Variants in APOC4 observed in about 807,000 individuals in gnomAD.
APOC4 encodes the protein apolipoprotein C4, also known as apolipoprotein C-IV.
In APOC4, 10 loss-of-function variants were observed where a neutral mutation model predicts 8.4. The observed-to-expected ratio is 1.19, with a 90% confidence interval of 0.74 to 2.03. The LOEUF (loss-of-function observed/expected upper bound fraction) is 2.03, where lower values mean the gene tolerates loss of function less well. Ranked by LOEUF, APOC4 falls within the 30% of genes most tolerant of loss-of-function variation. The probability of loss-of-function intolerance (pLI) is 0.00; values close to 1 mark genes in which losing one functional copy is unlikely to be tolerated. For synonymous variants in APOC4, 59 were observed against 65.8 expected, an observed-to-expected ratio of 0.90 and a Z score of 0.50; for missense variants, 160 against 156.1, an observed-to-expected ratio of 1.02 and a Z score of -0.13.
intron 1 of APOC4, among the ~76,000 whole-genome samples, chr19:44,942,724 G>A (rs1892143088): frequency 6.6e-6 from 1 of 151,720 alleles, no homozygotes; most frequent in Admixed American, 6.6e-5. Flanking sequence ...AGTGTGTGCT[G>A]GTGTGTACGT....
chr19:44,944,603 C>T, intron 1 of APOC4, 146 bp from the exon 2 acceptor site: 1 of 875,836 alleles, frequency 1.1e-6, no homozygotes, highest in Non-Finnish European at 1.7e-6. Context: ...GGTCAGGGGA[C>T]ACATAAGGGT....
In APOC4 at chr19:44,943,974, G is replaced by A. The variant is rs539867186; in HGVS notation, c.77-775G>A. ...GCTTTGTCCAGATGCGTGGGTAGAA[G>A]GTCTGGCCCGGAAAGAGGAACTGAC... On this transcript the variant is annotated intron_variant, in intron 1 of 2. Coordinates refer to ENST00000592954, the MANE Select transcript of APOC4 (RefSeq NM_001646.3). Among the ~76,000 whole-genome samples the A allele has an allele frequency of 8.5e-5, 13 of 152,286 alleles. No homozygotes were observed. In the East Asian group the frequency reaches 2.5e-3, roughly 29 times the overall value.
At chr19:44,942,705 GA>G (rs1268978453) in intron 1 of APOC4, among the ~76,000 whole-genome samples, 1 of 151,824 alleles carries the variant, frequency 6.6e-6, no homozygotes, top group South Asian at 2.1e-4. Context: ...GGACATGTGT[GA>G]GGGGGTGAGT....
chr19:44,945,060 C>T (rs867200293), intron 2 of APOC4, 80 bp from the exon 3 acceptor site: 2 of 1,552,622 alleles, frequency 1.3e-6, no homozygotes, highest in Middle Eastern at 3.5e-4. Flanking sequence ...ACTCCTAGGT[C>T]ACAGAGAGGA....
chr19:44,945,039 T>C, intron 2 of APOC4, 101 bp from the exon 3 acceptor site: 1 of 1,534,548 alleles, frequency 6.5e-7, no homozygotes, highest in Non-Finnish European at 8.8e-7. Flanking sequence ...GGGTTAGAGC[T>C]GAGAGCAGGA....
intron 1 of APOC4, among the ~76,000 whole-genome samples, 191 bp from the exon 2 acceptor site, chr19:44,944,558 A>C (rs925278243): frequency 4.6e-5 from 7 of 151,908 alleles, no homozygotes; most frequent in Non-Finnish European, 1.0e-4. Context: ...AAAGAAAAAA[A>C]AAAAGAGATG....
chr19:44,945,030 G>T (rs1970301611), intron 2 of APOC4, 110 bp from the exon 3 acceptor site: 2 of 1,529,886 alleles, frequency 1.3e-6, no homozygotes, highest in African/African-American at 1.4e-5. Context: ...AGGAGTGGAG[G>T]GTTAGAGCTG....
At chr19:44,943,933 G>A (rs1377342046) in intron 1 of APOC4, among the ~76,000 whole-genome samples, 2 of 152,188 alleles carry the variant, frequency 1.3e-5, no homozygotes, top group East Asian at 1.9e-4. Flanking sequence ...CGTGACGGCT[G>A]GTCTCTGTAG....
intron 1 of APOC4, among the ~76,000 whole-genome samples, chr19:44,943,607 G>C (rs911143189): frequency 6.6e-6 from 1 of 151,748 alleles, no homozygotes; most frequent in Non-Finnish European, 1.5e-5. Flanking sequence ...TGCGCCTGTA[G>C]TCCCAGCTAC....
Position 44,944,855 on chromosome 19 carries a change from GGT to G in APOC4, c.185_186del (p.Val62GlufsTer25), listed in dbSNP as rs1274188361. On this transcript the variant is annotated frameshift_variant, in exon 2 of 3. Transcript: ENST00000592954. LOFTEE classifies it low-confidence loss of function (END_TRUNC). ...GGATGAAGGAGCTGCTGGAGACAGT[GGT>G]GAACAGGACCAGAGACGGGTGGCAA... ...GRMKELLETV[V>X]NRTRDGWQWF... The G allele has an allele frequency of 6.2e-7, 1 of 1,608,454 alleles. No individual in the cohort carries two copies. The highest frequency in any genetic ancestry group is 2.2e-5 in the East Asian group (1 of 44,746).
In APOC4 at chr19:44,945,121, G is replaced by C. The variant is rs1393593159; in HGVS notation, c.219-19G>C. 5.6e-6 allele frequency: 9 copies of C among 1,610,530 alleles called. No homozygotes were observed. Among genetic ancestry groups the C allele is most frequent in the Non-Finnish European group, 7.6e-6 (9 of 1,178,606 alleles). Reference sequence around the variant, plus strand: ...TGGGGAGAGCTGGGGCCTCCACTGTGATGTCCTCTCTCCTGTAGGAGCCCG... The same window carrying C: ...TGGGGAGAGCTGGGGCCTCCACTGTCATGTCCTCTCTCCTGTAGGAGCCCG... On this transcript the variant is annotated intron_variant, in intron 2 of 2. Transcript: ENST00000592954.
chr19:44,945,494 G>C lies in APOC4; in HGVS notation c.*189G>C. The C allele has an allele frequency of 1.7e-6, 1 of 581,894 alleles. No homozygotes were observed. Among genetic ancestry groups the C allele is most frequent in the Non-Finnish European group, 2.9e-6 (1 of 344,954 alleles). The allele number at this position is 581,894 out of a possible 1,614,324, so 36.0% of individuals were successfully genotyped here. A position where few individuals can be genotyped will look rare whatever the true frequency, so the allele number is the denominator to read the frequency against. On this transcript the variant is annotated 3_prime_UTR_variant, in exon 3 of 3. Coordinates refer to ENST00000592954, the MANE Select transcript of APOC4 (RefSeq NM_001646.3). ...TTCTCCAATAAATAAAGTCTCACCT[G>C]TGTCCCTGTCTGGATCCTTCCCCAG...
chr19:44,945,206 G>A lies in APOC4; in HGVS notation c.285G>A (p.Pro95=), dbSNP rs756555901. ...ACGACCACCTGAGGGACCTGGGTCC[G>A]CTCACCAAGGCCTGGTTCCTCGAAT... ...YYDDHLRDLG[P]LTKAWFLESK... The change falls in exon 3 of 3, where the codon CCG becomes CCA. Residue 95 remains proline, a synonymous_variant. Coordinates refer to ENST00000592954, the MANE Select transcript of APOC4 (RefSeq NM_001646.3). 121 of 1,613,922 alleles carry A rather than the reference G, an allele frequency of 7.5e-5. No homozygotes were observed. The highest frequency in any genetic ancestry group is 1.0e-4 in the Non-Finnish European group (119 of 1,180,012).
intron 1 of APOC4, 58 bp from the exon 2 acceptor site, chr19:44,944,691 A>G: frequency 6.5e-7 from 1 of 1,545,592 alleles, no homozygotes. Context: ...ATGGAGGGAA[A>G]GGGAGAAGGG....
In APOC4 at chr19:44,945,273, A is replaced by G. The variant is rs1970306104; in HGVS notation, c.352A>G (p.Arg118Gly). The G allele has an allele frequency of 1.9e-6, 3 of 1,613,948 alleles. No homozygotes were observed. The highest frequency in any genetic ancestry group is 2.5e-6 in the Non-Finnish European group (3 of 1,179,978). The change falls in exon 3 of 3, where the codon AGG becomes GGG. Residue 118 changes from arginine (R) to glycine (G), a missense_variant. Physicochemically the swap from Arg to Gly is moderately radical, Grantham distance 125. Coordinates refer to ENST00000592954, the MANE Select transcript of APOC4 (RefSeq NM_001646.3). ...GAAGAAGACCCACAGCCTGTGCCCC[A>G]GGCTTGTCTGTGGGGACAAGGACCA... ...LLKKTHSLCP[R>G]LVCGDKDQG
At chr19:44,942,374 G>A in intron 1 of APOC4, 21 bp downstream of exon 1, 4 of 1,611,848 alleles carry the variant, frequency 2.5e-6, no homozygotes, top group Non-Finnish European at 3.4e-6. Flanking sequence ...GTGGGTGGAG[G>A]GATGTGGGGC....
At position 44,945,323 on chromosome 19, in the gene APOC4, G is replaced by A; in HGVS notation, c.*18G>A. The A allele has an allele frequency of 6.2e-7, 1 of 1,607,762 alleles. No homozygotes were observed. The highest frequency in any genetic ancestry group is 8.5e-7 in the Non-Finnish European group (1 of 1,177,550). On this transcript the variant is annotated 3_prime_UTR_variant, in exon 3 of 3. Coordinates refer to ENST00000592954, the MANE Select transcript of APOC4 (RefSeq NM_001646.3). ...AGGGTTAAAATGTTCATAAAAGCCA[G>A]GTGTGGTTGTGGCGGGTGCCTGTAG...
At chr19:44,943,984 G>A (rs12721108) in intron 1 of APOC4, among the ~76,000 whole-genome samples, 2 of 152,140 alleles carry the variant, frequency 1.3e-5, no homozygotes, top group African/African-American at 2.4e-5. Flanking sequence ...GGTCTGGCCC[G>A]GAAAGAGGAA....
intron 1 of APOC4, 146 bp from the exon 2 acceptor site, chr19:44,944,603 C>A: frequency 1.1e-6 from 1 of 875,834 alleles, no homozygotes; most frequent in Non-Finnish European, 1.7e-6. Context: ...GGTCAGGGGA[C>A]ACATAAGGGT....
Sources: gnomAD v4.1 joint callset for allele counts (sites outside exome capture counted in the v4.1 genomes callset) on GRCh38, gnomAD v4.1.1 for gene constraint, MANE v1.5 for transcripts, NCBI Gene and HGNC (gene_info 2026-07-23, HGNC 2026-07-21) for gene names.